The following HIVEP3 variants were observed in gnomAD, a reference collection of about 807,000 sequenced individuals.
HIVEP3 encodes HIVEP zinc finger 3, also known as transcription factor HIVEP3.
A neutral mutation model predicts 152.8 loss-of-function variants in HIVEP3; 49 were observed. The observed-to-expected ratio is 0.32, with a 90% CI of 0.26 to 0.41. The LOEUF (loss-of-function observed/expected upper bound fraction) is 0.41, where lower values mean the gene tolerates loss of function less well. HIVEP3 is among the 10% of genes least tolerant of loss of function. The probability of loss-of-function intolerance (pLI) is 1.00; values close to 1 mark genes in which losing one functional copy is unlikely to be tolerated. For missense variants in HIVEP3, 2,790 were observed against 3,103.3 expected (o/e 0.90, Z 2.40); for synonymous variants, 1,269 against 1,289.0 (o/e 0.98, Z 0.33).
chr1:41,665,581 G>A (rs1645782422), intron 2 of HIVEP3, among the ~76,000 whole-genome samples: 1 of 150,110 alleles, frequency 6.7e-6, no homozygotes, highest in African/African-American at 2.5e-5. Flanking sequence ...GTTGGAGAGG[G>A]GTGGAGTAGG....
chr1:41,910,976 C>T (rs991744459), intron 1 of HIVEP3, among the ~76,000 whole-genome samples: 3 of 151,656 alleles, frequency 2.0e-5, no homozygotes, highest in Non-Finnish European at 4.4e-5. Context: ...TTAAAAGACA[C>T]AAAATGTTCA....
At chr1:42,027,207 A>G (rs1645587013) in intron 1 of HIVEP3, among the ~76,000 whole-genome samples, 2 of 152,228 alleles carry the variant, frequency 1.3e-5, no homozygotes. Context: ...CATAACCAAC[A>G]TCTAATACAT....
intron 1 of HIVEP3, among the ~76,000 whole-genome samples, chr1:41,977,705 T>C (rs1645268199): frequency 6.6e-6 from 1 of 152,216 alleles, no homozygotes; most frequent in South Asian, 2.1e-4. Context: ...GAGGACCAGA[T>C]GCTGTGAGAC....
chr1:41,681,811 C>A (rs1019614400), intron 2 of HIVEP3, among the ~76,000 whole-genome samples: 2 of 152,166 alleles, frequency 1.3e-5, no homozygotes, highest in Non-Finnish European at 2.9e-5. Context: ...GTGACTATGT[C>A]CCCTCCTCCT....
intron 2 of HIVEP3, among the ~76,000 whole-genome samples, chr1:41,629,684 C>T (rs1645165985): frequency 6.6e-6 from 1 of 152,176 alleles, no homozygotes. Context: ...TGCTCAACGT[C>T]ACTAATCATC....
intron 1 of HIVEP3, among the ~76,000 whole-genome samples, chr1:41,778,506 G>C (rs950697998): frequency 2.6e-5 from 4 of 152,206 alleles, no homozygotes; most frequent in Non-Finnish European, 4.4e-5. Context: ...CCAGGTACAG[G>C]CTCAGCCTTG....
chr1:41,659,083 C>A (rs934047123), intron 2 of HIVEP3, among the ~76,000 whole-genome samples: 2 of 152,318 alleles, frequency 1.3e-5, no homozygotes, highest in South Asian at 4.1e-4. Flanking sequence ...GCAGTTACCC[C>A]CTCCAAAGGG....
chr1:41,841,441 T>C (rs1232917914), intron 1 of HIVEP3, among the ~76,000 whole-genome samples: 1 of 152,152 alleles, frequency 6.6e-6, no homozygotes, highest in Non-Finnish European at 1.5e-5. Flanking sequence ...AGCCGAATGC[T>C]CTGTGAATAT....
chr1:41,611,165 A>G (rs1644891690), intron 3 of HIVEP3, among the ~76,000 whole-genome samples: 1 of 152,218 alleles, frequency 6.6e-6, no homozygotes, highest in Non-Finnish European at 1.5e-5. Flanking sequence ...GGGAATTATG[A>G]GCAAATGAAT....
At chr1:41,884,600 CA>C (rs1171598231) in intron 1 of HIVEP3, among the ~76,000 whole-genome samples, 2 of 152,214 alleles carry the variant, frequency 1.3e-5, no homozygotes, top group African/African-American at 4.8e-5. Flanking sequence ...CCAACATACT[CA>C]AAAATTTAAA....
At chr1:41,617,318 A>G (rs1017437939) in intron 3 of HIVEP3, among the ~76,000 whole-genome samples, 1 of 152,214 alleles carries the variant, frequency 6.6e-6, no homozygotes, top group African/African-American at 2.4e-5. Context: ...TTTGGTTAAA[A>G]TACCTATGGG....
chr1:41,622,111 T>C (rs1645055214), intron 3 of HIVEP3, among the ~76,000 whole-genome samples: 1 of 152,180 alleles, frequency 6.6e-6, no homozygotes, highest in African/African-American at 2.4e-5. Context: ...TAACAAATGC[T>C]TACTGAGCAC....
intron 2 of HIVEP3, among the ~76,000 whole-genome samples, chr1:41,687,633 C>A (rs925868688): frequency 6.6e-6 from 1 of 152,220 alleles, no homozygotes; most frequent in African/African-American, 2.4e-5. Context: ...CTTAGGTGCA[C>A]GGCGATGCTG....
intron 5 of HIVEP3, among the ~76,000 whole-genome samples, chr1:41,557,801 A>G (rs1043074551): frequency 6.6e-6 from 1 of 152,168 alleles, no homozygotes; most frequent in Non-Finnish European, 1.5e-5. Flanking sequence ...GACAAAGAGT[A>G]AGATCTTGTT....
intron 1 of HIVEP3, among the ~76,000 whole-genome samples, chr1:41,749,869 CCAA>C (rs1442898736): frequency 2.0e-5 from 3 of 152,190 alleles, no homozygotes; most frequent in African/African-American, 7.2e-5. Flanking sequence ...TCACCTCTGT[CCAA>C]CAACAGCAGC....
At chr1:41,523,108 G>A (rs1339366976) in intron 6 of HIVEP3, among the ~76,000 whole-genome samples, 1 of 152,252 alleles carries the variant, frequency 6.6e-6, no homozygotes, top group African/African-American at 2.4e-5. Flanking sequence ...TCCACTTTTA[G>A]AGTTGACGAC....
chr1:41,639,589 G>A (rs989676743), intron 2 of HIVEP3, among the ~76,000 whole-genome samples: 1 of 152,078 alleles, frequency 6.6e-6, no homozygotes, highest in African/African-American at 2.4e-5. Flanking sequence ...CTCTCCCTCT[G>A]TCAATCTCTC....
At chr1:41,878,848 C>T (rs986699726) in intron 1 of HIVEP3, among the ~76,000 whole-genome samples, 3 of 148,114 alleles carry the variant, frequency 2.0e-5, no homozygotes, top group African/African-American at 7.5e-5. Context: ...CCATCTCCTG[C>T]CCTCTCTTCT....
chr1:41,529,414 C>A (rs1643160240), intron 5 of HIVEP3, among the ~76,000 whole-genome samples: 2 of 145,012 alleles, frequency 1.4e-5, no homozygotes, highest in African/African-American at 5.1e-5. Context: ...ATACCCCACA[C>A]CCTCACACAC....
Sources: allele counts gnomAD v4.1 joint callset (sites outside exome capture counted in the v4.1 genomes callset), GRCh38; gene constraint gnomAD v4.1.1; transcripts MANE v1.5; gene names NCBI Gene and HGNC (gene_info 2026-07-23, HGNC 2026-07-21).